The following SIAH1 variants were observed in gnomAD, a reference collection of about 807,000 sequenced individuals.
SIAH1 encodes siah E3 ubiquitin protein ligase 1, also known as E3 ubiquitin-protein ligase SIAH1.
In SIAH1, 2 loss-of-function variants were observed where a neutral mutation model predicts 20.0. That is an observed-to-expected ratio of 0.10 (90% CI 0.04 to 0.31). The LOEUF is 0.31. Among genes scored for constraint, SIAH1 ranks in the 10% least tolerant of loss-of-function variants. The pLI is 1.00. For synonymous variants in SIAH1, 118 were observed against 125.3 expected (o/e 0.94, Z 0.39); for missense variants, 119 against 355.3 (o/e 0.33, Z 5.35).
chr16:48,361,365 A>G lies in SIAH1; in HGVS notation c.*215T>C, dbSNP rs543420679. On this transcript the variant is annotated 3_prime_UTR_variant, in exon 2 of 2. Transcript: ENST00000394725. ...ATGCCCATCTTGGGTGTATATACAT[A>G]TATTTTTTCAGTGGTTTACTGTTGA... is the stretch of plus-strand genomic sequence containing the variant. 1.7e-5 allele frequency: 9 copies of G among 524,854 alleles called. No homozygotes were observed. The highest frequency in any genetic ancestry group is 1.3e-4 in the African/African-American group (7 of 52,734). The allele number at this position is 524,854 out of a possible 1,614,324, so 32.5% of individuals were successfully genotyped here. A position where few individuals can be genotyped will look rare whatever the true frequency, so the allele number is the denominator to read the frequency against.
intron 1 of SIAH1, chr16:48,365,813 G>A (rs910314524): frequency 4.8e-6 from 6 of 1,254,342 alleles, no homozygotes; most frequent in African/African-American, 1.5e-5. Context: ...AGCTCCAGTG[G>A]AGGCCACGGA....
chr16:48,361,530 C>T lies in SIAH1; in HGVS notation c.*50G>A, dbSNP rs757564810. On this transcript the variant is annotated 3_prime_UTR_variant, in exon 2 of 2. Transcript: ENST00000394725. ...GGCAGACAGATGGGTGCCTTATTTTCTGTGAAACTGAAGTTTTAAACACTG... is the reference window on the plus strand; with the variant it reads ...GGCAGACAGATGGGTGCCTTATTTTTTGTGAAACTGAAGTTTTAAACACTG... 3.8e-6 allele frequency: 6 copies of T among 1,587,888 alleles called. No homozygotes were observed. The highest frequency in any genetic ancestry group is 8.6e-7 in the Non-Finnish European group (1 of 1,165,450).
At chr16:48,372,063 C>G (rs751766742) in intron 1 of SIAH1, among the ~76,000 whole-genome samples, 5 of 151,966 alleles carry the variant, frequency 3.3e-5, no homozygotes, top group Non-Finnish European at 7.4e-5. Flanking sequence ...TAGCAGTAAT[C>G]TATATTTGGG....
At chr16:48,363,278 G>C in intron 1 of SIAH1, 1 of 167,136 alleles carries the variant, frequency 6.0e-6, no homozygotes. Context: ...AGGGTCACAA[G>C]GGGAAAGGTC....
chr16:48,376,516 G>C (rs1221319027), intron 1 of SIAH1, among the ~76,000 whole-genome samples: 2 of 151,962 alleles, frequency 1.3e-5, no homozygotes, highest in Non-Finnish European at 2.9e-5. Flanking sequence ...TCTTGAGACA[G>C]AGTCTCGCTC....
At chr16:48,381,494 G>A (rs931225468) in intron 1 of SIAH1, among the ~76,000 whole-genome samples, 1 of 152,260 alleles carries the variant, frequency 6.6e-6, no homozygotes, top group South Asian at 2.1e-4. Context: ...CCAAGACTTC[G>A]AAGCCAACCA....
intron 1 of SIAH1, among the ~76,000 whole-genome samples, chr16:48,372,862 G>A (rs1280442591): frequency 3.3e-5 from 5 of 152,148 alleles, no homozygotes; most frequent in African/African-American, 1.2e-4. Context: ...TAGTGAATCA[G>A]TAATTTGAAT....
intron 1 of SIAH1, among the ~76,000 whole-genome samples, chr16:48,369,539 G>A (rs557180189): frequency 1.5e-3 from 222 of 152,140 alleles, no homozygotes; most frequent in African/African-American, 5.0e-3. Context: ...AAGAGTTTGA[G>A]ACAAGCCTAG....
At position 48,362,712 on chromosome 16, in the gene SIAH1, T is replaced by C; in HGVS notation, c.-2-282A>G. 1 of 299,754 alleles carries C rather than the reference T, an allele frequency of 3.3e-6. No homozygotes were observed. 18.6% of individuals were successfully genotyped at this position (299,754 alleles called of 1,614,324 possible). A position where few individuals can be genotyped will look rare whatever the true frequency, so the allele number is the denominator to read the frequency against. On this transcript the variant is annotated intron_variant, in intron 1 of 1. Coordinates refer to ENST00000394725, the MANE Select transcript of SIAH1 (RefSeq NM_003031.4). The surrounding 1 kb of genome is among the most constrained non-coding windows in gnomAD (Gnocchi z 4.2). ...TGGATAGACTACATAGAATAATAAA[T>C]GCTAAAATAGAAAATGGACCATAAA... is the stretch of plus-strand genomic sequence containing the variant.
At chr16:48,364,883 T>C (rs1960767239) in intron 1 of SIAH1, 1 of 153,514 alleles carries the variant, frequency 6.5e-6, no homozygotes, top group Non-Finnish European at 1.5e-5. Context: ...ACAATATAGC[T>C]ACGGACCAAG....
chr16:48,371,506 T>C (rs149289958), intron 1 of SIAH1, among the ~76,000 whole-genome samples: 359 of 152,378 alleles, frequency 2.4e-3, no homozygotes, highest in Admixed American at 3.6e-3. Context: ...TCACATATTC[T>C]AAGTCTGCCA....
upstream of SIAH1, among the ~76,000 whole-genome samples, chr16:48,386,498 C>T (rs1961471534): frequency 6.6e-6 from 1 of 152,136 alleles, no homozygotes. Context: ...CAGAGCGAGA[C>T]TCTGTCTCAA....
chr16:48,378,824 C>A (rs544210509), intron 1 of SIAH1, among the ~76,000 whole-genome samples: 1 of 152,152 alleles, frequency 6.6e-6, no homozygotes, highest in African/African-American at 2.4e-5. Flanking sequence ...CTTCATGGGG[C>A]CTTTATCTGG....
intron 1 of SIAH1, among the ~76,000 whole-genome samples, chr16:48,370,989 C>T (rs1057203498): frequency 8.6e-5 from 13 of 151,962 alleles, no homozygotes; most frequent in Non-Finnish European, 1.9e-4. Context: ...TGGCAGGTGC[C>T]TGTAATCCCA....
intron 1 of SIAH1, among the ~76,000 whole-genome samples, chr16:48,375,074 C>T (rs1340858380): frequency 6.6e-6 from 1 of 152,178 alleles, no homozygotes; most frequent in African/African-American, 2.4e-5. Flanking sequence ...TACTTGAACC[C>T]GGGCACGGAG....
intron 1 of SIAH1, among the ~76,000 whole-genome samples, chr16:48,367,090 G>A (rs1284710924): frequency 1.3e-5 from 2 of 152,222 alleles, no homozygotes; most frequent in East Asian, 1.9e-4. Flanking sequence ...TGTAAAGATA[G>A]GGAGTCCCCA....
chr16:48,375,588 A>C (rs1183119313), intron 1 of SIAH1, among the ~76,000 whole-genome samples: 1 of 152,142 alleles, frequency 6.6e-6, no homozygotes, highest in Non-Finnish European at 1.5e-5. Flanking sequence ...TAGTGAGATG[A>C]GATCAGGCCA....
At chr16:48,384,682 C>G (rs1961394609) in intron 1 of SIAH1, among the ~76,000 whole-genome samples, 1 of 150,746 alleles carries the variant, frequency 6.6e-6, no homozygotes, top group Non-Finnish European at 1.5e-5. Context: ...GGCCGAGGCC[C>G]GCCGAGCGGC....
chr16:48,385,725 G>T (rs1223962265), upstream of SIAH1, among the ~76,000 whole-genome samples: 1 of 152,052 alleles, frequency 6.6e-6, no homozygotes, highest in African/African-American at 2.4e-5. Flanking sequence ...CTCCCGCGGC[G>T]CTTTGTTCCG....
Sources: allele counts gnomAD v4.1 joint callset (sites outside exome capture counted in the v4.1 genomes callset), GRCh38; gene constraint gnomAD v4.1.1; non-coding constraint Gnocchi (gnomAD v3.1); transcripts MANE v1.5; gene names NCBI Gene and HGNC (gene_info 2026-07-23, HGNC 2026-07-21).